The following KLHL2 variants were observed in gnomAD, a reference collection of about 807,000 sequenced individuals.
The protein encoded by KLHL2 is kelch like family member 2.
In KLHL2, 15 loss-of-function variants were observed where a neutral mutation model predicts 75.8. The observed-to-expected ratio is 0.20, with a 90% CI of 0.13 to 0.30. The LOEUF is 0.30. KLHL2 is among the 10% of genes least tolerant of loss of function. KLHL2 has a pLI of 1.00. For missense variants in KLHL2, 381 were observed against 741.0 expected, an observed-to-expected ratio of 0.51 and a Z score of 5.64; for synonymous variants, 214 against 251.9, an observed-to-expected ratio of 0.85 and a Z score of 1.42.
At position 165,207,973 on chromosome 4, in the gene KLHL2, G is replaced by C; in HGVS notation, c.26+71G>C. The C allele has an allele frequency of 8.3e-7, 1 of 1,198,174 alleles. No homozygotes were observed. Among genetic ancestry groups the C allele is most frequent in the Non-Finnish European group, 1.1e-6 (1 of 949,950 alleles). 74.2% of individuals were successfully genotyped at this position (1,198,174 alleles called of 1,614,324 possible). On this transcript the variant is annotated intron_variant, in intron 1 of 14. Coordinates refer to ENST00000226725, the MANE Select transcript of KLHL2 (RefSeq NM_007246.4). The surrounding 1 kb of genome is among the most constrained non-coding windows in gnomAD (Gnocchi z 4.2). ...CGCTGCGGCGCGTGTCGCCGGCCGC[G>C]GGCGCAGCTCTGGGGACAGCCGCCG...
chr4:165,298,947 TC>T (rs1387768383), intron 7 of KLHL2, among the ~76,000 whole-genome samples: 5 of 60,516 alleles, frequency 8.3e-5, no homozygotes, highest in East Asian at 1.6e-3. Context: ...CCGCCCCCCC[TC>T]CCCCCCCAGA....
At chr4:165,259,358 C>T (rs908702755) in intron 4 of KLHL2, among the ~76,000 whole-genome samples, 17 of 152,204 alleles carry the variant, frequency 1.1e-4, no homozygotes, top group African/African-American at 3.6e-4. Context: ...CTCTGCCCAC[C>T]TTAGCCTCCC....
At chr4:165,253,452 G>T (rs11730744) in intron 4 of KLHL2, among the ~76,000 whole-genome samples, 1 of 152,160 alleles carries the variant, frequency 6.6e-6, no homozygotes, top group Non-Finnish European at 1.5e-5. Context: ...AAAAAAGTTT[G>T]TATATAATCA....
intron 14 of KLHL2, 34 bp downstream of exon 14, chr4:165,318,003 A>T: frequency 6.3e-7 from 1 of 1,598,594 alleles, no homozygotes; most frequent in Non-Finnish European, 8.5e-7. Context: ...TTTCCGTACA[A>T]AAAGATGACC....
Position 165,305,862 on chromosome 4 carries a change from C to T in KLHL2, c.1039+137C>T, listed in dbSNP as rs1450268206. ...ATAGCTATGTAGTTAAACAGTAATT[C>T]AGGGGCCTCATATGCCTCTCAAGAC... is the stretch of plus-strand genomic sequence containing the variant. On this transcript the variant is annotated intron_variant, in intron 9 of 14. Transcript: ENST00000226725. 4.7e-6 allele frequency: 3 copies of T among 640,468 alleles called. No individual in the cohort carries two copies. The African/African-American group carries it at 5.5e-5, about 12-fold the overall frequency. The allele number at this position is 640,468 out of a possible 1,614,324, so 39.7% of individuals were successfully genotyped here.
At chr4:165,286,793 C>A (rs934647303) in intron 5 of KLHL2, among the ~76,000 whole-genome samples, 1 of 152,152 alleles carries the variant, frequency 6.6e-6, no homozygotes, top group Admixed American at 6.5e-5. Flanking sequence ...GGGATGTTAA[C>A]CCAGTGATCT....
chr4:165,291,960 G>T (rs1744548439), intron 5 of KLHL2, among the ~76,000 whole-genome samples: 1 of 151,984 alleles, frequency 6.6e-6, no homozygotes, highest in Non-Finnish European at 1.5e-5. Context: ...CTCTCAACAT[G>T]GTGGGATTAC....
chr4:165,267,693 G>A (rs1742346865), intron 5 of KLHL2, among the ~76,000 whole-genome samples: 2 of 152,088 alleles, frequency 1.3e-5, no homozygotes, highest in South Asian at 2.1e-4. Context: ...GCTTTTTGAT[G>A]TGCTGCTGGA....
chr4:165,223,023 G>A (rs976011468), intron 2 of KLHL2, among the ~76,000 whole-genome samples: 2 of 152,260 alleles, frequency 1.3e-5, no homozygotes, highest in Non-Finnish European at 2.9e-5. Flanking sequence ...TTAAGTTACA[G>A]AATTAAAATT....
At chr4:165,302,693 A>G (rs1312854968) in intron 8 of KLHL2, among the ~76,000 whole-genome samples, 3 of 152,098 alleles carry the variant, frequency 2.0e-5, no homozygotes, top group Non-Finnish European at 2.9e-5. Flanking sequence ...CTGGGTATAT[A>G]TTATATTTTA....
At chr4:165,292,122 T>C (rs955308771) in intron 5 of KLHL2, among the ~76,000 whole-genome samples, 1 of 152,244 alleles carries the variant, frequency 6.6e-6, no homozygotes, top group Admixed American at 6.5e-5. Context: ...ACCGGTTGGT[T>C]GAATCTGCAG....
chr4:165,311,837 GTGTGTGTGTT>G (rs1199676831), intron 11 of KLHL2, among the ~76,000 whole-genome samples: 4 of 145,628 alleles, frequency 2.7e-5, no homozygotes, highest in African/African-American at 9.9e-5. Context: ...GTGTGTGTGT[GTGTGTGTGTT>G]TGACTTATAT....
chr4:165,264,704 G>GTGTGTGTGTATA (rs1323043527), intron 5 of KLHL2, among the ~76,000 whole-genome samples: 1 of 82,846 alleles, frequency 1.2e-5, no homozygotes, highest in Non-Finnish European at 2.2e-5. Context: ...GTGTGTGTGT[G>GTGTGTGTGTATA]TATATATATA....
intron 9 of KLHL2, among the ~76,000 whole-genome samples, chr4:165,305,944 T>C (rs1336812962): frequency 6.6e-6 from 1 of 152,172 alleles, no homozygotes; most frequent in East Asian, 1.9e-4. Flanking sequence ...TTGTTTAGTG[T>C]AAGGTGGGAG....
chr4:165,320,990 T>C (rs1277538821), intron 14 of KLHL2, among the ~76,000 whole-genome samples: 1 of 152,202 alleles, frequency 6.6e-6, no homozygotes, highest in Non-Finnish European at 1.5e-5. Flanking sequence ...AGAAAACAAA[T>C]TGACATTAGA....
At chr4:165,294,334 G>A (rs1314967118) in intron 5 of KLHL2, 25 bp from the exon 6 acceptor site, 4 of 1,326,514 alleles carry the variant, frequency 3.0e-6, no homozygotes, top group Non-Finnish European at 4.3e-6. Flanking sequence ...GATGTTAGTG[G>A]ATTTTCTTTT....
intron 5 of KLHL2, among the ~76,000 whole-genome samples, chr4:165,269,684 T>G (rs1452055226): frequency 6.7e-6 from 1 of 149,560 alleles, no homozygotes; most frequent in Non-Finnish European, 1.5e-5. Flanking sequence ...AGAAATCTGC[T>G]GTTAGTCTGA....
intron 5 of KLHL2, chr4:165,279,711 G>C (rs1743503877): frequency 1.6e-6 from 2 of 1,284,982 alleles, no homozygotes; most frequent in Admixed American, 1.7e-5. Context: ...GGGAGGGGGA[G>C]GGGAGGGTGA....
intron 11 of KLHL2, 101 bp downstream of exon 11, chr4:165,311,666 T>A: frequency 1.3e-6 from 1 of 767,476 alleles, no homozygotes; most frequent in Non-Finnish European, 2.2e-6. Context: ...GCAAGCTAAT[T>A]ATCATTTTAA....
Sources: allele counts gnomAD v4.1 joint callset (sites outside exome capture counted in the v4.1 genomes callset), GRCh38; gene constraint gnomAD v4.1.1; non-coding constraint Gnocchi (gnomAD v3.1); transcripts MANE v1.5; gene names NCBI Gene and HGNC (gene_info 2026-07-23, HGNC 2026-07-21).